The following SCAND3 variants were observed in gnomAD, a reference collection of about 807,000 sequenced individuals.
SCAND3 encodes the protein SCAN domain-containing protein 3.
chr6:28,572,934 G>C, the SCAND3 span: 1 of 1,613,762 alleles, frequency 6.2e-7, no homozygotes, highest in Non-Finnish European at 8.5e-7. This position sits in a 1 kb window ranked among gnomAD's most constrained non-coding sequence, Gnocchi z 4.1. Context: ...CCTTAATCTG[G>C]GTTACCACTT....
the SCAND3 span, among the ~76,000 whole-genome samples, chr6:28,614,243 C>T: frequency 9.2e-3 from 1,395 of 151,770 alleles, 8 homozygotes; most frequent in African/African-American, 0.016. Context: ...GGATTACAGG[C>T]GTGAGCCACC....
chr6:28,583,188 T>G, the SCAND3 span, among the ~76,000 whole-genome samples: 4 of 151,952 alleles, frequency 2.6e-5, no homozygotes, highest in African/African-American at 4.8e-5. Flanking sequence ...GTCAGGAGAC[T>G]GAGACCATCC....
chr6:28,602,710 T>C, the SCAND3 span, among the ~76,000 whole-genome samples: 1 of 152,194 alleles, frequency 6.6e-6, no homozygotes, highest in Non-Finnish European at 1.5e-5. Context: ...TTTATGATTT[T>C]TGCTACTTAG....
chr6:28,612,688 C>T, the SCAND3 span, among the ~76,000 whole-genome samples: 3 of 152,204 alleles, frequency 2.0e-5, no homozygotes, highest in Non-Finnish European at 4.4e-5. Flanking sequence ...CATTTCTAAA[C>T]ATTTAGAAAG....
At chr6:28,610,548 G>GGGAA in the SCAND3 span, among the ~76,000 whole-genome samples, 1 of 151,758 alleles carries the variant, frequency 6.6e-6, no homozygotes, top group Admixed American at 6.6e-5. Flanking sequence ...GAGAGATGGA[G>GGGAA]GGAAGGAAGG....
chr6:28,580,140 C>A, the SCAND3 span, among the ~76,000 whole-genome samples: 1 of 151,430 alleles, frequency 6.6e-6, no homozygotes, highest in South Asian at 2.1e-4. Context: ...AACTTGGATA[C>A]CACATAATAA....
the SCAND3 span, chr6:28,574,683 T>A: frequency 6.2e-7 from 1 of 1,613,942 alleles, no homozygotes; most frequent in East Asian, 2.2e-5. Flanking sequence ...GTGTCCCTGA[T>A]GGCTTTAGCA....
At chr6:28,614,500 C>T in the SCAND3 span, among the ~76,000 whole-genome samples, 2 of 149,516 alleles carry the variant, frequency 1.3e-5, no homozygotes, top group Non-Finnish European at 3.0e-5. Flanking sequence ...GGTCTTGCTC[C>T]ATCACCCAGG....
the SCAND3 span, among the ~76,000 whole-genome samples, chr6:28,602,030 A>G: frequency 6.6e-6 from 1 of 151,918 alleles, no homozygotes. Context: ...CAGCTATGGG[A>G]ACTATGGCTA....
chr6:28,585,148 T>C, the SCAND3 span: 1 of 152,250 alleles, frequency 6.6e-6, no homozygotes, highest in East Asian at 1.9e-4. Context: ...TTTATGCCAG[T>C]TGCATGACCA....
the SCAND3 span, chr6:28,590,827 G>A: frequency 6.6e-6 from 1 of 152,084 alleles, no homozygotes; most frequent in East Asian, 1.9e-4. Flanking sequence ...GCATTATTTT[G>A]GCTCCCGTTA....
At chr6:28,595,682 A>G in the SCAND3 span, among the ~76,000 whole-genome samples, 1 of 151,818 alleles carries the variant, frequency 6.6e-6, no homozygotes, top group Non-Finnish European at 1.5e-5. Flanking sequence ...AGATCACACA[A>G]TTGCACTCCA....
At chr6:28,571,513 C>CCCTTTGA in the SCAND3 span, 1 of 180,594 alleles carries the variant, frequency 5.5e-6, no homozygotes, top group Non-Finnish European at 1.1e-5. Flanking sequence ...CTAAGCCTAC[C>CCCTTTGA]CCTTTGAATT....
the SCAND3 span, among the ~76,000 whole-genome samples, chr6:28,607,222 C>T: frequency 2.6e-5 from 4 of 152,276 alleles, no homozygotes; most frequent in African/African-American, 4.8e-5. Context: ...ATCCCCGGCA[C>T]CTCCACCAGT....
At chr6:28,605,092 T>C in the SCAND3 span, among the ~76,000 whole-genome samples, 1 of 152,298 alleles carries the variant, frequency 6.6e-6, no homozygotes, top group Admixed American at 6.5e-5. Flanking sequence ...ATCCTCACAG[T>C]TGTTTTTCGA....
chr6:28,607,945 G>A, the SCAND3 span, among the ~76,000 whole-genome samples: 1 of 152,122 alleles, frequency 6.6e-6, no homozygotes, highest in Admixed American at 6.5e-5. Context: ...GCATAAACTG[G>A]CCATAAAAAT....
chr6:28,573,938 A>C, the SCAND3 span: 2 of 1,276,980 alleles, frequency 1.6e-6, no homozygotes, highest in African/African-American at 3.1e-5. Flanking sequence ...AATTATTTTA[A>C]AGTTAAGTTA....
chr6:28,582,353 G>T, the SCAND3 span, among the ~76,000 whole-genome samples: 2 of 152,112 alleles, frequency 1.3e-5, no homozygotes, highest in South Asian at 4.1e-4. The surrounding 1 kb of genome is among the most constrained non-coding windows in gnomAD (Gnocchi z 4.8). Context: ...GAAGCCAAAA[G>T]ATTGGATACC....
chr6:28,583,694 CATT>C, the SCAND3 span, among the ~76,000 whole-genome samples: 1 of 152,192 alleles, frequency 6.6e-6, no homozygotes, highest in Non-Finnish European at 1.5e-5. Flanking sequence ...GCATTGTAGT[CATT>C]ATCTTTTATC....
Sources: allele counts gnomAD v4.1 joint callset (sites outside exome capture counted in the v4.1 genomes callset), GRCh38; gene constraint gnomAD v4.1.1; non-coding constraint Gnocchi (gnomAD v3.1); transcripts MANE v1.5; gene names NCBI Gene and HGNC (gene_info 2026-07-23, HGNC 2026-07-21).